TMEM132B: variants seen among roughly 807,000 people sequenced by gnomAD.
The protein encoded by TMEM132B is transmembrane protein 132B.
Under a neutral mutation model 90.8 loss-of-function variants are expected in TMEM132B, and 18 were observed. The ratio of observed to expected loss-of-function variants is 0.20; its 90% confidence interval spans 0.14 to 0.29. The LOEUF (loss-of-function observed/expected upper bound fraction) is 0.29, where lower values mean the gene tolerates loss of function less well. Among genes scored for constraint, TMEM132B ranks in the 10% least tolerant of loss-of-function variants. The probability of loss-of-function intolerance (pLI) is 1.00; values close to 1 mark genes in which losing one functional copy is unlikely to be tolerated. For missense variants in TMEM132B, 1,096 were observed against 1,326.8 expected (o/e 0.83, Z 2.70); for synonymous variants, 504 against 523.3 (o/e 0.96, Z 0.50).
chr12:125,384,384 T>C (rs1878769827), intron 2 of TMEM132B, among the ~76,000 whole-genome samples: 1 of 152,266 alleles, frequency 6.6e-6, no homozygotes, highest in South Asian at 2.1e-4. Context: ...TTTGTTTCTA[T>C]GTTTTAAAAT....
At chr12:125,501,070 G>A (rs968170406) in intron 3 of TMEM132B, among the ~76,000 whole-genome samples, 3 of 152,178 alleles carry the variant, frequency 2.0e-5, no homozygotes, top group Non-Finnish European at 2.9e-5. Context: ...GAAAAGTTAG[G>A]AATCCAGTCT....
chr12:125,331,627 G>T (rs993391004), intron 1 of TMEM132B, among the ~76,000 whole-genome samples: 1 of 152,180 alleles, frequency 6.6e-6, no homozygotes, highest in Non-Finnish European at 1.5e-5. Context: ...CAGAGCAGGG[G>T]TTAAGCCCAC....
In TMEM132B at chr12:125,415,796, G is replaced by A; in HGVS notation, c.1106+119G>A. On this transcript the variant is annotated intron_variant, in intron 3 of 8. Coordinates refer to ENST00000682704, the MANE Select transcript of TMEM132B (RefSeq NM_001366854.1). The surrounding 1 kb of genome is among the most constrained non-coding windows in gnomAD (Gnocchi z 5.3). ...GATGCCTCTGCGTTTAATGAGAAAT[G>A]ATTTTTGAGGTCGGCAGTCTCAAAA... 1 of 1,294,552 alleles carries A rather than the reference G, an allele frequency of 7.7e-7. No homozygotes were observed. The allele number at this position is 1,294,552 out of a possible 1,614,324, so 80.2% of individuals were successfully genotyped here.
chr12:125,326,948 A>G (rs1461577806), intron 1 of TMEM132B, among the ~76,000 whole-genome samples: 2 of 151,984 alleles, frequency 1.3e-5, no homozygotes, highest in Non-Finnish European at 2.9e-5. Flanking sequence ...TCAGAGGCAC[A>G]GGGTCTCCCT....
intron 4 of TMEM132B, among the ~76,000 whole-genome samples, chr12:125,538,862 C>T (rs1174066357): frequency 6.6e-6 from 1 of 152,138 alleles, no homozygotes; most frequent in Admixed American, 6.5e-5. Context: ...AGAGGAGTTA[C>T]CCCGGATGCC....
chr12:125,630,260 C>G (rs1302542092), intron 5 of TMEM132B, among the ~76,000 whole-genome samples: 3 of 152,062 alleles, frequency 2.0e-5, no homozygotes, highest in African/African-American at 7.2e-5. Flanking sequence ...ATAAAGCCCT[C>G]AGGTCCCAGG....
intron 1 of TMEM132B, among the ~76,000 whole-genome samples, chr12:125,198,943 T>C (rs1302874691): frequency 1.3e-5 from 2 of 152,220 alleles, no homozygotes; most frequent in Admixed American, 6.5e-5. Context: ...TTCACACATA[T>C]TTTGGTTGCT....
intron 1 of TMEM132B, among the ~76,000 whole-genome samples, chr12:125,247,226 C>T (rs532432692): frequency 6.6e-6 from 1 of 152,302 alleles, no homozygotes; most frequent in Admixed American, 6.5e-5. Flanking sequence ...TCCTAAAAGG[C>T]TTCTTACTTG....
intron 4 of TMEM132B, among the ~76,000 whole-genome samples, chr12:125,520,317 C>A (rs1239124903): frequency 6.6e-6 from 1 of 152,194 alleles, no homozygotes; most frequent in East Asian, 1.9e-4. Flanking sequence ...CCCTTTTCCA[C>A]ACTGGAAATG....
At chr12:125,353,992 C>T (rs1002939969) in intron 2 of TMEM132B, among the ~76,000 whole-genome samples, 9 of 152,156 alleles carry the variant, frequency 5.9e-5, no homozygotes, top group Admixed American at 5.2e-4. Context: ...GAACTGTCAG[C>T]CTCCTGGAAA....
chr12:125,567,725 G>A (rs969983625), intron 4 of TMEM132B, among the ~76,000 whole-genome samples: 1 of 152,158 alleles, frequency 6.6e-6, no homozygotes, highest in Non-Finnish European at 1.5e-5. Flanking sequence ...TTTGCTTGCC[G>A]GTCCTGTGAC....
At chr12:125,240,770 G>A (rs540664487) in intron 1 of TMEM132B, among the ~76,000 whole-genome samples, 5 of 152,154 alleles carry the variant, frequency 3.3e-5, no homozygotes, top group African/African-American at 1.2e-4. Context: ...TTGTGTTCAC[G>A]GAGCTCACTG....
intron 3 of TMEM132B, among the ~76,000 whole-genome samples, chr12:125,466,222 C>G (rs1008782797): frequency 6.6e-6 from 1 of 152,146 alleles, no homozygotes; most frequent in Non-Finnish European, 1.5e-5. Flanking sequence ...GTAGCAGGAC[C>G]ACTTCTGGCC....
At chr12:125,485,312 A>G (rs971978006) in intron 3 of TMEM132B, among the ~76,000 whole-genome samples, 2 of 152,096 alleles carry the variant, frequency 1.3e-5, no homozygotes, top group South Asian at 2.1e-4. Context: ...TCCCATTTGC[A>G]TGTTGTTTCT....
At chr12:125,395,505 G>A (rs2136310390) in intron 2 of TMEM132B, among the ~76,000 whole-genome samples, 1 of 152,278 alleles carries the variant, frequency 6.6e-6, no homozygotes, top group Non-Finnish European at 1.5e-5. Flanking sequence ...TGCTCTCTGT[G>A]CTCACAAGGG....
intron 1 of TMEM132B, among the ~76,000 whole-genome samples, chr12:125,221,821 G>A (rs1394351656): frequency 2.0e-5 from 3 of 152,240 alleles, no homozygotes; most frequent in Admixed American, 2.0e-4. Flanking sequence ...GGGCCTTGAA[G>A]GTCTGGTATA....
chr12:125,334,350 T>C (rs1468926517), intron 1 of TMEM132B, among the ~76,000 whole-genome samples: 1 of 151,974 alleles, frequency 6.6e-6, no homozygotes, highest in Non-Finnish European at 1.5e-5. Context: ...CTCTTGATAC[T>C]CCTTCTACCA....
chr12:125,496,771 A>G (rs1882572219), intron 3 of TMEM132B, among the ~76,000 whole-genome samples: 1 of 152,114 alleles, frequency 6.6e-6, no homozygotes, highest in South Asian at 2.1e-4. Flanking sequence ...CTCCAGAAGG[A>G]GGTCAAGTGT....
intron 4 of TMEM132B, among the ~76,000 whole-genome samples, chr12:125,540,156 T>A (rs935005032): frequency 1.3e-5 from 2 of 152,266 alleles, no homozygotes. Flanking sequence ...TTCTAACTTT[T>A]ATCCCACTGT....
Sources: allele counts gnomAD v4.1 joint callset (sites outside exome capture counted in the v4.1 genomes callset), GRCh38; gene constraint gnomAD v4.1.1; non-coding constraint Gnocchi (gnomAD v3.1); transcripts MANE v1.5; gene names NCBI Gene and HGNC (gene_info 2026-07-23, HGNC 2026-07-21).